SLC30A8: variants seen among roughly 807,000 people sequenced by gnomAD.
The protein encoded by SLC30A8 is proton-coupled zinc antiporter SLC30A8.
Under a neutral mutation model 36.9 loss-of-function variants are expected in SLC30A8, and 27 were observed. The observed-to-expected ratio is 0.73, with a 90% CI of 0.54 to 1.01. SLC30A8 has a LOEUF of 1.01. SLC30A8 is among the 50% of genes least tolerant of loss of function. SLC30A8 has a pLI of 0.00. For missense variants in SLC30A8, 439 were observed against 452.0 expected (o/e 0.97, Z 0.26); for synonymous variants, 164 against 172.4 (o/e 0.95, Z 0.38).
Position 117,172,774 on chromosome 8 carries a change from G to T in SLC30A8, c.*93G>T. 6.9e-7 allele frequency: 1 copy of T among 1,452,118 alleles called. No homozygotes were observed. The allele number at this position is 1,452,118 out of a possible 1,614,324, so 90.0% of individuals were successfully genotyped here. On this transcript the variant is annotated 3_prime_UTR_variant, in exon 8 of 8. Transcript: ENST00000456015. ...CATCATAGAAAATAAGGAACCAAAG[G>T]AAGAAATTCATGTCATGGTGCAATG...
chr8:116,997,628 A>G (rs1488535120), intron 1 of SLC30A8, among the ~76,000 whole-genome samples: 1 of 152,214 alleles, frequency 6.6e-6, no homozygotes. Flanking sequence ...GGACTTGGAA[A>G]TTTTATTTTA....
chr8:116,984,486 T>A lies in SLC30A8; in HGVS notation c.-266+33367T>A, dbSNP rs955623884. On this transcript the variant is annotated intron_variant, in intron 1 of 10. Transcript: ENST00000427715. ...ACCAGCTTTTGGTATAGTTATTATT[T>A]TTTTATTTTAGCTATTCTGATAGTT... 2.0e-5 allele frequency among the ~76,000 whole-genome samples: 3 copies of A among 152,140 alleles called. No homozygotes were observed. The East Asian group carries it at 5.8e-4, about 29-fold the overall frequency.
At chr8:116,972,835 T>C (rs1443457156) in intron 1 of SLC30A8, among the ~76,000 whole-genome samples, 1 of 152,226 alleles carries the variant, frequency 6.6e-6, no homozygotes, top group African/African-American at 2.4e-5. Flanking sequence ...CAAGTCCATT[T>C]GTTTTCCTTA....
chr8:117,166,435 T>C (rs1368683737), intron 6 of SLC30A8, among the ~76,000 whole-genome samples: 1 of 152,154 alleles, frequency 6.6e-6, no homozygotes, highest in African/African-American at 2.4e-5. Flanking sequence ...CTAAAACCCT[T>C]ATTAGACTAA....
chr8:117,037,484 G>A (rs1416694677), intron 1 of SLC30A8, among the ~76,000 whole-genome samples: 2 of 152,118 alleles, frequency 1.3e-5, no homozygotes, highest in East Asian at 1.9e-4. Context: ...TACGTGAGCA[G>A]GGGAGTCACC....
intron 2 of SLC30A8, among the ~76,000 whole-genome samples, chr8:117,118,570 G>A (rs2130894596): frequency 6.6e-6 from 1 of 151,806 alleles, no homozygotes; most frequent in African/African-American, 2.4e-5. Flanking sequence ...CATTCTTAAT[G>A]CATTGCCAAG....
intron 2 of SLC30A8, among the ~76,000 whole-genome samples, chr8:117,092,076 A>G (rs555412078): frequency 6.6e-6 from 1 of 152,338 alleles, no homozygotes; most frequent in Non-Finnish European, 1.5e-5. Context: ...TTCTTTACTC[A>G]TCATTAATCG....
At chr8:116,992,727 G>A (rs1399248830) in intron 1 of SLC30A8, among the ~76,000 whole-genome samples, 6 of 152,154 alleles carry the variant, frequency 3.9e-5, no homozygotes, top group Admixed American at 3.9e-4. Flanking sequence ...CATCTAAGTA[G>A]AGGAGACTTC....
At chr8:117,042,683 T>A (rs1242681352) in intron 2 of SLC30A8, among the ~76,000 whole-genome samples, 1 of 152,046 alleles carries the variant, frequency 6.6e-6, no homozygotes, top group African/African-American at 2.4e-5. Flanking sequence ...CTTTTTTTTT[T>A]TTTTAGAAGG....
At chr8:116,981,348 A>G (rs536268672) in intron 1 of SLC30A8, among the ~76,000 whole-genome samples, 2 of 152,322 alleles carry the variant, frequency 1.3e-5, no homozygotes, top group East Asian at 3.9e-4. Context: ...CTCTTGGTTC[A>G]CACACTCATG....
At chr8:117,045,862 T>C (rs1317670309) in intron 2 of SLC30A8, among the ~76,000 whole-genome samples, 1 of 152,064 alleles carries the variant, frequency 6.6e-6, no homozygotes, top group Non-Finnish European at 1.5e-5. Flanking sequence ...ATCTCTGGCA[T>C]GGTCTCTTTC....
chr8:117,110,369 G>A (rs953989699), intron 2 of SLC30A8, among the ~76,000 whole-genome samples: 4 of 152,182 alleles, frequency 2.6e-5, no homozygotes, highest in Non-Finnish European at 5.9e-5. Flanking sequence ...CCCTGTGGGT[G>A]TAAGTGCCAA....
intron 1 of SLC30A8, among the ~76,000 whole-genome samples, chr8:116,956,588 A>G (rs1384451185): frequency 6.6e-6 from 1 of 152,196 alleles, no homozygotes; most frequent in Non-Finnish European, 1.5e-5. Context: ...AAAACAGTGT[A>G]TATCTATATA....
intron 2 of SLC30A8, among the ~76,000 whole-genome samples, chr8:117,050,113 A>G (rs1206774797): frequency 6.6e-6 from 1 of 152,066 alleles, no homozygotes; most frequent in East Asian, 1.9e-4. Context: ...ACTTTTTATT[A>G]CACTCTCTGC....
At chr8:116,970,127 CTA>C (rs1037762295) in intron 1 of SLC30A8, among the ~76,000 whole-genome samples, 2 of 151,716 alleles carry the variant, frequency 1.3e-5, no homozygotes, top group Non-Finnish European at 2.9e-5. Flanking sequence ...AATTTTTTTT[CTA>C]TCTTTAAATT....
intron 3 of SLC30A8, among the ~76,000 whole-genome samples, chr8:117,154,465 A>T (rs934671326): frequency 6.6e-6 from 1 of 152,240 alleles, no homozygotes; most frequent in African/African-American, 2.4e-5. Context: ...CTAGACACAT[A>T]TCACAGCTTA....
chr8:116,980,691 C>T (rs1372784264), intron 1 of SLC30A8, among the ~76,000 whole-genome samples: 11 of 152,172 alleles, frequency 7.2e-5, no homozygotes, highest in Admixed American at 7.2e-4. Context: ...AAACTCTATG[C>T]TGCAGCAGAA....
In SLC30A8 at chr8:116,976,107, G is replaced by GT. The variant is rs758794986; in HGVS notation, c.-266+24995dup. On this transcript the variant is annotated intron_variant, in intron 1 of 10. Transcript: ENST00000427715. ...TATAGAATCAGTGAAGCTGGTAAAT[G>GT]TTTTTTTACCAGACCATCTTGGCCA... Among the ~76,000 whole-genome samples the GT allele has an allele frequency of 3.6e-4, 55 of 152,142 alleles. 1 individual carries two copies. The highest frequency in any genetic ancestry group is 8.8e-5 in the Non-Finnish European group (6 of 67,992).
chr8:117,149,420 C>T (rs1376828765), intron 2 of SLC30A8, among the ~76,000 whole-genome samples: 1 of 152,062 alleles, frequency 6.6e-6, no homozygotes, highest in Non-Finnish European at 1.5e-5. Flanking sequence ...TAATTAATCC[C>T]GGTGAATTCC....
Sources: gnomAD v4.1 joint callset for allele counts (sites outside exome capture counted in the v4.1 genomes callset) on GRCh38, gnomAD v4.1.1 for gene constraint, MANE v1.5 for transcripts, NCBI Gene and HGNC (gene_info 2026-07-23, HGNC 2026-07-21) for gene names.